ATP11C: variants seen among roughly 807,000 people sequenced by gnomAD.
ATP11C encodes the protein ATPase phospholipid transporting 11C (ATP11C blood group), also known as phospholipid-transporting ATPase IG.
ATP11C carries 36 observed loss-of-function variants against 97.4 expected under a neutral mutation model. That is an observed-to-expected ratio of 0.37 (90% CI 0.28 to 0.49). The LOEUF (loss-of-function observed/expected upper bound fraction) is 0.49, where lower values mean the gene tolerates loss of function less well. ATP11C is among the 20% of genes least tolerant of loss of function. The pLI is 0.98. For missense variants in ATP11C, 730 were observed against 824.6 expected (o/e 0.89, Z 1.40); for synonymous variants, 275 against 290.9 (o/e 0.95, Z 0.56).
rs755488947 is a variant in ATP11C at position 139,804,480 on chromosome X, G to A, written c.546C>T (p.Ser182=). Reference sequence around the variant, plus strand: ...AGGTTTAGTCTGTTACCTTGCAATTGGATTCCCCATCAAGACTGGCTGTAG... The same window carrying A: ...AGGTTTAGTCTGTTACCTTGCAATTAGATTCCCCATCAAGACTGGCTGTAG... The part of the protein sequence containing the change: ...YVTTASLDGE[S]NCKTHYAVRD... Residue 182 remains serine, a synonymous_variant, in exon 6 of 30, where the codon TCC becomes TCT. Transcript: ENST00000682941. 2.5e-6 allele frequency: 3 copies of A among 1,202,080 alleles called. No individual in the cohort carries two copies. The highest frequency in any genetic ancestry group is 3.4e-6 in the Non-Finnish European group (3 of 891,025).
intron 1 of ATP11C, among the ~76,000 whole-genome samples, chrX:139,887,878 G>A: frequency 9.4e-6 from 1 of 106,236 alleles, no homozygotes; most frequent in Non-Finnish European, 1.9e-5. Flanking sequence ...GGCTGAGGTA[G>A]GAGAATTGCT....
rs193033845 is a variant in ATP11C at position 139,847,737 on chromosome X, G to C, written c.28-20914C>G. On this transcript the variant is annotated intron_variant, in intron 1 of 29. Transcript: ENST00000682941. Reference sequence around the variant, plus strand: ...AAAAAAACTACGTCCTATAGAACCTGCCATCCTTGTTAATCAAACTCTCTA... The same window carrying C: ...AAAAAAACTACGTCCTATAGAACCTCCCATCCTTGTTAATCAAACTCTCTA... Among the ~76,000 whole-genome samples, 418 of 106,052 alleles carry C rather than the reference G, an allele frequency of 3.9e-3. 1 individual carries two copies. Among genetic ancestry groups the C allele is most frequent in the Admixed American group, 6.2e-3 (60 of 9,607 alleles). 92.1% of individuals were successfully genotyped at this position (106,052 alleles called of 115,157 possible).
At chrX:139,733,151 CT>C (rs1210439219) in intron 28 of ATP11C, among the ~76,000 whole-genome samples, 3 of 112,107 alleles carry the variant, frequency 2.7e-5, no homozygotes, top group Non-Finnish European at 5.7e-5. Flanking sequence ...ACAGAGTCCT[CT>C]TTAGAAAGAT....
At chrX:139,934,552 CTTTTT>C (rs760781660), upstream of ATP11C, among the ~76,000 whole-genome samples, 1 of 93,720 alleles carries the variant, frequency 1.1e-5, no homozygotes, top group Non-Finnish European at 2.1e-5. Context: ...CTAGCTTTAC[CTTTTT>C]TTTTTTTTTT....
chrX:139,761,489 A>G (rs1046330986), intron 22 of ATP11C, among the ~76,000 whole-genome samples: 1 of 111,115 alleles, frequency 9.0e-6, no homozygotes, highest in Non-Finnish European at 1.9e-5. Flanking sequence ...CAAAAATTTC[A>G]TTTTAGAAAA....
intron 24 of ATP11C, 109 bp from the exon 25 acceptor site, chrX:139,745,966 A>C: frequency 1.2e-6 from 1 of 858,804 alleles, no homozygotes; most frequent in Non-Finnish European, 1.6e-6. Flanking sequence ...GAAGGGGGCT[A>C]CCCTTAATGG....
intron 1 of ATP11C, among the ~76,000 whole-genome samples, chrX:139,927,053 G>A (rs2045792176): frequency 1.8e-5 from 2 of 112,000 alleles, no homozygotes; most frequent in Admixed American, 9.5e-5. Flanking sequence ...AAAATGACAA[G>A]TATGTAATAG....
chrX:139,729,513 C>T (rs2081300799), intron 29 of ATP11C, among the ~76,000 whole-genome samples: 1 of 111,634 alleles, frequency 9.0e-6, no homozygotes, highest in Non-Finnish European at 1.9e-5. Context: ...TTCCCCCCTA[C>T]AATATGGAAG....
At chrX:139,859,620 A>G (rs192177945) in intron 1 of ATP11C, among the ~76,000 whole-genome samples, 150 of 112,351 alleles carry the variant, frequency 1.3e-3, no homozygotes, top group Non-Finnish European at 2.5e-3. Context: ...AGGCAGACAT[A>G]TTCAACCCTC....
At chrX:139,779,774 A>C (rs1445631418) in intron 18 of ATP11C, among the ~76,000 whole-genome samples, 1 of 111,789 alleles carries the variant, frequency 8.9e-6, no homozygotes, top group Non-Finnish European at 1.9e-5. Context: ...AATCATACAA[A>C]GGATCAATGA....
intron 1 of ATP11C, among the ~76,000 whole-genome samples, chrX:139,847,579 T>G (rs980304676): frequency 9.1e-6 from 1 of 110,095 alleles, no homozygotes; most frequent in Admixed American, 9.7e-5. Context: ...GGCTCACGCC[T>G]GTAATCCCAG....
chrX:139,859,883 C>CCT (rs1471545837), intron 1 of ATP11C, among the ~76,000 whole-genome samples: 1 of 81,877 alleles, frequency 1.2e-5, no homozygotes, highest in Non-Finnish European at 2.0e-5. Flanking sequence ...GGGCGGATCA[C>CCT]GAGGTCAGGA....
chrX:139,832,173 G>C, intron 1 of ATP11C: 2 of 1,209,559 alleles, frequency 1.7e-6, no homozygotes, highest in Non-Finnish European at 2.2e-6. Context: ...TGGAGGGAGA[G>C]ATGGGACCAT....
chrX:139,890,986 C>CTAGG, intron 1 of ATP11C, among the ~76,000 whole-genome samples: 1 of 110,764 alleles, frequency 9.0e-6, no homozygotes, highest in East Asian at 2.8e-4. Context: ...TCATTAAGTT[C>CTAGG]TAGGGTACTA....
At chrX:139,920,815 T>C (rs1388642576) in intron 1 of ATP11C, among the ~76,000 whole-genome samples, 1 of 111,760 alleles carries the variant, frequency 8.9e-6, no homozygotes, top group African/African-American at 3.3e-5. Context: ...CCTGGAGCTG[T>C]GTGGAAGACA....
chrX:139,823,711 A>G (rs910829576), intron 2 of ATP11C, among the ~76,000 whole-genome samples: 4 of 112,304 alleles, frequency 3.6e-5, no homozygotes, highest in Non-Finnish European at 7.5e-5. Flanking sequence ...GTTAGCAGTC[A>G]ACTGCTCAAA....
At chrX:139,768,229 G>C (rs2082177577) in intron 20 of ATP11C, 31 bp downstream of exon 20, 2 of 1,014,170 alleles carry the variant, frequency 2.0e-6, no homozygotes, top group Non-Finnish European at 2.6e-6. Flanking sequence ...GAAGTATCCA[G>C]AATGGAACGT....
At chrX:139,913,611 T>C (rs1292890936) in intron 1 of ATP11C, among the ~76,000 whole-genome samples, 2 of 111,496 alleles carry the variant, frequency 1.8e-5, no homozygotes, top group Non-Finnish European at 3.8e-5. Flanking sequence ...TGGCTCATCC[T>C]GGCTCAAAAG....
chrX:139,800,013 ACCC>A (rs10717380), intron 8 of ATP11C, 44 bp downstream of exon 8: 32 of 396,934 alleles, frequency 8.1e-5, no homozygotes, highest in East Asian at 2.6e-4. Flanking sequence ...AGAAAAATAG[ACCC>A]CCCCCCCCAA....
Sources: allele counts gnomAD v4.1 joint callset (sites outside exome capture counted in the v4.1 genomes callset), GRCh38; gene constraint gnomAD v4.1.1; transcripts MANE v1.5; gene names NCBI Gene and HGNC (gene_info 2026-07-23, HGNC 2026-07-21).